The following CCDC102B variants were observed in gnomAD, a reference collection of about 807,000 sequenced individuals.
CCDC102B encodes coiled-coil domain containing 102B, also known as coiled-coil domain-containing protein 102B.
A neutral mutation model predicts 57.4 loss-of-function variants in CCDC102B; 75 were observed. The ratio of observed to expected loss-of-function variants is 1.31; its 90% confidence interval spans 1.08 to 1.58. The LOEUF is 1.58. Among genes scored for constraint, CCDC102B ranks in the 40% most tolerant of loss-of-function variants. CCDC102B has a pLI of 0.00. For missense variants in CCDC102B, 636 were observed against 582.6 expected (o/e 1.09, Z -0.94); for synonymous variants, 206 against 201.9 (o/e 1.02, Z -0.17).
At chr18:68,999,580 T>C (rs1251256320) in intron 6 of CCDC102B, among the ~76,000 whole-genome samples, 2 of 152,122 alleles carry the variant, frequency 1.3e-5, no homozygotes, top group Admixed American at 1.3e-4. Flanking sequence ...CACTCCAGCC[T>C]GGGTGACAGA....
At chr18:68,944,616 C>A (rs9964588) in intron 6 of CCDC102B, among the ~76,000 whole-genome samples, 2,408 of 142,342 alleles carry the variant, frequency 0.017, 75 homozygotes, top group African/African-American at 0.061. Context: ...AAAAGCCTTG[C>A]ATACTGACAC....
intron 6 of CCDC102B, among the ~76,000 whole-genome samples, chr18:68,956,333 A>T: frequency 2.3e-4 from 1 of 4,322 alleles, no homozygotes; most frequent in Non-Finnish European, 4.9e-4. Context: ...TATATATATT[A>T]TATATAATAT....
At chr18:68,746,288 C>T (rs1182111888) in intron 2 of CCDC102B, among the ~76,000 whole-genome samples, 1 of 152,106 alleles carries the variant, frequency 6.6e-6, no homozygotes, top group Non-Finnish European at 1.5e-5. Context: ...CTATCCATCA[C>T]GTGACAAGGT....
At chr18:68,757,205 T>C (rs1333849163) in intron 2 of CCDC102B, among the ~76,000 whole-genome samples, 2 of 152,202 alleles carry the variant, frequency 1.3e-5, no homozygotes, top group Non-Finnish European at 2.9e-5. Context: ...ATACTGTGCT[T>C]GCTTACGTAA....
intron 7 of CCDC102B, among the ~76,000 whole-genome samples, chr18:69,021,685 T>A (rs892729964): frequency 1.3e-5 from 2 of 152,182 alleles, no homozygotes; most frequent in African/African-American, 2.4e-5. Flanking sequence ...CGACAGCTAT[T>A]TGGGATTATT....
At chr18:68,869,028 G>A (rs1004925617) in intron 4 of CCDC102B, among the ~76,000 whole-genome samples, 7 of 152,122 alleles carry the variant, frequency 4.6e-5, no homozygotes, top group Non-Finnish European at 2.9e-5. Context: ...CAGAGAAGGA[G>A]AAGTTAAAGA....
chr18:69,024,544 T>A (rs186925914), intron 7 of CCDC102B, among the ~76,000 whole-genome samples: 1 of 152,082 alleles, frequency 6.6e-6, no homozygotes. Context: ...TATAATTTGA[T>A]GCATTTCACA....
At chr18:68,812,820 A>G (rs1030976451) in intron 1 of CCDC102B, among the ~76,000 whole-genome samples, 1 of 152,196 alleles carries the variant, frequency 6.6e-6, no homozygotes, top group African/African-American at 2.4e-5. Context: ...TTGAGTACTG[A>G]CATCCTAGGG....
intron 6 of CCDC102B, among the ~76,000 whole-genome samples, chr18:69,002,237 C>T (rs999685409): frequency 6.6e-6 from 1 of 152,088 alleles, no homozygotes; most frequent in African/African-American, 2.4e-5. Flanking sequence ...CTTGCCCGCC[C>T]GACATGTTCT....
intron 5 of CCDC102B, among the ~76,000 whole-genome samples, chr18:68,886,072 G>A (rs540000102): frequency 6.6e-6 from 1 of 151,668 alleles, no homozygotes; most frequent in African/African-American, 2.4e-5. Context: ...TATTTACAAT[G>A]TTAAGATGGA....
intron 2 of CCDC102B, among the ~76,000 whole-genome samples, chr18:68,749,435 G>A (rs1337316033): frequency 6.6e-6 from 1 of 152,008 alleles, no homozygotes; most frequent in Admixed American, 6.6e-5. Flanking sequence ...ATTTGTTTGT[G>A]TCCTCTTCTA....
chr18:68,999,214 C>G (rs930028271), intron 6 of CCDC102B, among the ~76,000 whole-genome samples: 1 of 151,734 alleles, frequency 6.6e-6, no homozygotes, highest in Non-Finnish European at 1.5e-5. Flanking sequence ...CTGCAGAAAG[C>G]TATTGTAGAA....
chr18:68,853,895 A>T (rs2038259351), intron 4 of CCDC102B, among the ~76,000 whole-genome samples: 1 of 151,992 alleles, frequency 6.6e-6, no homozygotes, highest in East Asian at 1.9e-4. Flanking sequence ...TTCTGCCAGG[A>T]CTTCTGTCAA....
At chr18:68,857,286 T>TAATA (rs1568292849) in intron 4 of CCDC102B, among the ~76,000 whole-genome samples, 1 of 7,136 alleles carries the variant, frequency 1.4e-4, no homozygotes, top group African/African-American at 3.0e-4. Flanking sequence ...TAATATATAT[T>TAATA]TATATATTAT....
At chr18:69,053,353 A>G (rs532283045) in intron 7 of CCDC102B, among the ~76,000 whole-genome samples, 1 of 151,658 alleles carries the variant, frequency 6.6e-6, no homozygotes, top group Admixed American at 6.6e-5. Context: ...TAGCATATGT[A>G]TATGTGAATA....
At chr18:68,994,462 G>C (rs1485384600) in intron 6 of CCDC102B, among the ~76,000 whole-genome samples, 1 of 151,948 alleles carries the variant, frequency 6.6e-6, no homozygotes, top group African/African-American at 2.4e-5. Context: ...ATCTCACCTT[G>C]AATTGTAATC....
intron 1 of CCDC102B, among the ~76,000 whole-genome samples, chr18:68,829,349 A>G (rs535894535): frequency 2.3e-4 from 35 of 152,116 alleles, no homozygotes; most frequent in African/African-American, 8.2e-4. Flanking sequence ...TCTTAAATAC[A>G]TTGTAAAATG....
At chr18:68,733,629 C>T (rs559121874) in intron 2 of CCDC102B, among the ~76,000 whole-genome samples, 8 of 151,742 alleles carry the variant, frequency 5.3e-5, no homozygotes, top group East Asian at 3.9e-4. Flanking sequence ...ATCAACCTCA[C>T]GTGTTACGAT....
chr18:68,956,314 GATATATTTTATATATATTATATATAAT>G (rs1372775571), intron 6 of CCDC102B, among the ~76,000 whole-genome samples: 1 of 16,338 alleles, frequency 6.1e-5, no homozygotes, highest in Non-Finnish European at 1.2e-4. Context: ...TTTCTTTATA[GATATATTTTATATATATTATATATAAT>G]ATATATATTA....
Sources: allele counts gnomAD v4.1 joint callset (sites outside exome capture counted in the v4.1 genomes callset), GRCh38; gene constraint gnomAD v4.1.1; transcripts MANE v1.5; gene names NCBI Gene and HGNC (gene_info 2026-07-23, HGNC 2026-07-21).